LOXL1: variants seen among roughly 807,000 people sequenced by gnomAD.
The protein encoded by LOXL1 is lysyl oxidase like 1, also known as lysyl oxidase homolog 1.
Under a neutral mutation model 62.2 loss-of-function variants are expected in LOXL1, and 31 were observed. The observed-to-expected ratio is 0.50, with a 90% CI of 0.37 to 0.67. The LOEUF (loss-of-function observed/expected upper bound fraction) is 0.67. Ranked by LOEUF, LOXL1 falls within the 30% of genes least tolerant of loss-of-function variation. The pLI, the probability that LOXL1 is intolerant of heterozygous loss-of-function variation, is 0.00. For synonymous variants in LOXL1, 403 were observed against 384.4 expected (o/e 1.05, Z -0.56); for missense variants, 775 against 843.4 (o/e 0.92, Z 1.00).
At chr15:73,931,766 C>T (rs1460182272) in intron 1 of LOXL1, among the ~76,000 whole-genome samples, 1 of 152,194 alleles carries the variant, frequency 6.6e-6, no homozygotes, top group African/African-American at 2.4e-5. Context: ...GCTGCCTGCC[C>T]ACCTCTGCCC....
chr15:73,941,302 G>A (rs2141631624), intron 1 of LOXL1, among the ~76,000 whole-genome samples: 1 of 152,332 alleles, frequency 6.6e-6, no homozygotes, highest in East Asian at 1.9e-4. Flanking sequence ...TTCCAAGTAG[G>A]TGAGATCACC....
chr15:73,951,283 G>C (rs886181950), intron 6 of LOXL1, among the ~76,000 whole-genome samples: 2 of 152,178 alleles, frequency 1.3e-5, no homozygotes, highest in African/African-American at 2.4e-5. Context: ...CCAGCTCCCC[G>C]GGGGCCTGTG....
chr15:73,935,707 T>C (rs1274546281), intron 1 of LOXL1, among the ~76,000 whole-genome samples: 1 of 152,156 alleles, frequency 6.6e-6, no homozygotes, highest in African/African-American at 2.4e-5. Context: ...TGGTTAGCAT[T>C]GTCTGCCTCC....
chr15:73,942,508 C>A (rs1394013314), intron 1 of LOXL1, among the ~76,000 whole-genome samples: 1 of 152,028 alleles, frequency 6.6e-6, no homozygotes. Flanking sequence ...ATTCCTGCCT[C>A]CAGGTCTTTG....
At chr15:73,927,962 T>G in intron 1 of LOXL1, 77 bp downstream of exon 1, 2 of 1,229,922 alleles carry the variant, frequency 1.6e-6, no homozygotes, top group Non-Finnish European at 2.1e-6. Context: ...CCCGGGCCCC[T>G]CCTTAGAACT....
At chr15:73,928,627 C>G (rs1487111881) in intron 1 of LOXL1, among the ~76,000 whole-genome samples, 1 of 126,912 alleles carries the variant, frequency 7.9e-6, no homozygotes, top group Admixed American at 8.1e-5. Context: ...AAAAAAAAAC[C>G]TGTGATAAAG....
In LOXL1 at chr15:73,951,900, C is replaced by G; in HGVS notation, c.*63C>G. ...AAAGCAGGCCCTGCTCCCCGGGCAG[C>G]CTCCCGCCGAGGGGCCCAGCCCCCA... On this transcript the variant is annotated 3_prime_UTR_variant, in exon 7 of 7. Coordinates refer to ENST00000261921, the MANE Select transcript of LOXL1 (RefSeq NM_005576.4). 2 of 1,405,194 alleles carry G rather than the reference C, an allele frequency of 1.4e-6. No individual in the cohort carries two copies. The highest frequency in any genetic ancestry group is 1.9e-6 in the Non-Finnish European group (2 of 1,067,500). The allele number at this position is 1,405,194 out of a possible 1,614,324, so 87.0% of individuals were successfully genotyped here. A position where few individuals can be genotyped will look rare whatever the true frequency, so the allele number is the denominator to read the frequency against.
intron 1 of LOXL1, among the ~76,000 whole-genome samples, chr15:73,938,345 TAGAAGGGA>T (rs1312537182): frequency 2.1e-5 from 3 of 145,906 alleles, no homozygotes; most frequent in Non-Finnish European, 4.6e-5. Flanking sequence ...GGAGGCCAGC[TAGAAGGGA>T]CATAGAGGAT....
intron 6 of LOXL1, among the ~76,000 whole-genome samples, chr15:73,949,946 A>G (rs956740717): frequency 6.6e-6 from 1 of 152,198 alleles, no homozygotes; most frequent in African/African-American, 2.4e-5. Context: ...TAAAATAGGT[A>G]TTTCCACATA....
chr15:73,948,992 T>A (rs1437635208), intron 5 of LOXL1, among the ~76,000 whole-genome samples: 1 of 152,236 alleles, frequency 6.6e-6, no homozygotes. Flanking sequence ...GCACAGATCA[T>A]ACTTGGGCCA....
In LOXL1 at chr15:73,952,006, C is replaced by T; in HGVS notation, c.*169C>T. 1 of 442,388 alleles carries T rather than the reference C, an allele frequency of 2.3e-6. No homozygotes were observed. Among genetic ancestry groups the T allele is most frequent in the Non-Finnish European group, 3.9e-6 (1 of 254,400 alleles). The allele number at this position is 442,388 out of a possible 1,614,324, so 27.4% of individuals were successfully genotyped here. On this transcript the variant is annotated 3_prime_UTR_variant, in exon 7 of 7. Transcript: ENST00000261921. ...TGAAAACCACAGGGATTCCGGACGC[C>T]AGACCCCATTTTATACTTCACTTTT...
At chr15:73,951,469 C>G (rs1019976916) in intron 6 of LOXL1, among the ~76,000 whole-genome samples, 3 of 151,952 alleles carry the variant, frequency 2.0e-5, no homozygotes, top group Non-Finnish European at 4.4e-5. Flanking sequence ...GGACTGACGC[C>G]TGTGGGTTTC....
At chr15:73,938,275 GTATCTATCTATCTATC>G (rs138576407) in intron 1 of LOXL1, among the ~76,000 whole-genome samples, 7 of 140,610 alleles carry the variant, frequency 5.0e-5, no homozygotes, top group Non-Finnish European at 9.2e-5. Flanking sequence ...GCTAGACTCC[GTATCTATCTATCTATC>G]TATCTATCTA....
intron 1 of LOXL1, among the ~76,000 whole-genome samples, chr15:73,934,096 T>G (rs1038825570): frequency 1.2e-4 from 18 of 152,350 alleles, no homozygotes; most frequent in African/African-American, 4.1e-4. Context: ...CAGAGGCCTT[T>G]GCCATCCAAA....
At chr15:73,934,575 A>G (rs1357478939) in intron 1 of LOXL1, among the ~76,000 whole-genome samples, 1 of 152,138 alleles carries the variant, frequency 6.6e-6, no homozygotes, top group Non-Finnish European at 1.5e-5. Flanking sequence ...GGCAGATATC[A>G]TCTCGTGAGG....
intron 1 of LOXL1, among the ~76,000 whole-genome samples, chr15:73,942,252 G>A (rs868800112): frequency 3.9e-5 from 6 of 152,098 alleles, no homozygotes; most frequent in Admixed American, 6.5e-5. Context: ...CTCTGGGGAA[G>A]TGTTTTCCTT....
intron 1 of LOXL1, among the ~76,000 whole-genome samples, chr15:73,934,176 G>A (rs1405462219): frequency 1.3e-5 from 2 of 152,202 alleles, no homozygotes; most frequent in Admixed American, 6.5e-5. Flanking sequence ...CAAACCCAAC[G>A]CAAATCTTTC....
intron 1 of LOXL1, among the ~76,000 whole-genome samples, chr15:73,932,905 T>A (rs939052418): frequency 6.6e-6 from 1 of 152,104 alleles, no homozygotes; most frequent in Non-Finnish European, 1.5e-5. Flanking sequence ...AAACGGAGGG[T>A]TCTGGGCCCT....
At chr15:73,940,277 C>T (rs1228901450) in intron 1 of LOXL1, among the ~76,000 whole-genome samples, 3 of 152,190 alleles carry the variant, frequency 2.0e-5, no homozygotes, top group East Asian at 1.9e-4. Flanking sequence ...AGATGATCAT[C>T]TGTAGCGAGG....
Sources: allele counts gnomAD v4.1 joint callset (sites outside exome capture counted in the v4.1 genomes callset), GRCh38; gene constraint gnomAD v4.1.1; transcripts MANE v1.5; gene names NCBI Gene and HGNC (gene_info 2026-07-23, HGNC 2026-07-21).